NLGN1: variants seen among roughly 807,000 people sequenced by gnomAD.
NLGN1 encodes the protein neuroligin-1.
In NLGN1, 12 loss-of-function variants were observed where a neutral mutation model predicts 65.5. The observed-to-expected ratio is 0.18, with a 90% CI of 0.12 to 0.30. NLGN1 has a LOEUF of 0.30. NLGN1 is among the 10% of genes least tolerant of loss of function. NLGN1 has a pLI of 1.00. For synonymous variants in NLGN1, 350 were observed against 359.5 expected (o/e 0.97, Z 0.30); for missense variants, 750 against 1,007.1 (o/e 0.74, Z 3.46).
intron 3 of NLGN1, among the ~76,000 whole-genome samples, chr3:173,651,120 T>C (rs2149641579): frequency 6.6e-6 from 1 of 152,086 alleles, no homozygotes; most frequent in South Asian, 2.1e-4. Context: ...GTATCCATTA[T>C]TCCACTCTGT....
At chr3:173,644,887 G>A (rs1258971639) in intron 3 of NLGN1, among the ~76,000 whole-genome samples, 1 of 152,274 alleles carries the variant, frequency 6.6e-6, no homozygotes, top group African/African-American at 2.4e-5. Flanking sequence ...GGTGTTGAGG[G>A]GGCATGGTCA....
chr3:174,254,461 T>G (rs1745320090), intron 4 of NLGN1, among the ~76,000 whole-genome samples: 1 of 152,088 alleles, frequency 6.6e-6, no homozygotes, highest in Non-Finnish European at 1.5e-5. Flanking sequence ...ACTTGAGACT[T>G]TTCTCTCTAC....
chr3:173,605,313 G>A (rs950556529), intron 3 of NLGN1, among the ~76,000 whole-genome samples: 6 of 151,910 alleles, frequency 3.9e-5, no homozygotes, highest in Non-Finnish European at 7.4e-5. Flanking sequence ...TCCACAGCAC[G>A]TATATTTAGG....
intron 4 of NLGN1, among the ~76,000 whole-genome samples, chr3:173,996,055 A>C (rs909299394): frequency 6.6e-6 from 1 of 152,162 alleles, no homozygotes; most frequent in Non-Finnish European, 1.5e-5. Flanking sequence ...ATTTATTGAA[A>C]GCTCAAAAAC....
At chr3:173,968,504 G>A (rs1468466685) in intron 4 of NLGN1, among the ~76,000 whole-genome samples, 1 of 151,442 alleles carries the variant, frequency 6.6e-6, no homozygotes, top group Non-Finnish European at 1.5e-5. Flanking sequence ...GACCATTTTT[G>A]CTTTTTTGAC....
rs574838782 is a variant in NLGN1, at chr3:174,212,369, G to T, written c.647-62946G>T. Among the ~76,000 whole-genome samples, 22 of 152,316 alleles carry T rather than the reference G, an allele frequency of 1.4e-4. No homozygotes were observed. In the South Asian group the frequency reaches 4.6e-3, roughly 32 times the overall value. The stretch of plus-strand genomic sequence containing the variant: ...CGCGCCTCTCCCTCCACACCTCCCC[G>T]CAAGCTGAGGGAGTGGGCTCCAGCC... On this transcript the variant is annotated intron_variant, in intron 4 of 6. Transcript: ENST00000457714.
At chr3:173,440,552 G>A (rs555688845) in intron 2 of NLGN1, among the ~76,000 whole-genome samples, 3 of 152,182 alleles carry the variant, frequency 2.0e-5, no homozygotes, top group African/African-American at 4.8e-5. Context: ...GTGTGAGCAG[G>A]CATGAAAACG....
chr3:173,784,817 A>C (rs796449843), intron 3 of NLGN1, among the ~76,000 whole-genome samples: 1 of 152,200 alleles, frequency 6.6e-6, no homozygotes, highest in Non-Finnish European at 1.5e-5. Context: ...AGAAGCACAC[A>C]TCTGGCCAGA....
chr3:174,278,080 G>T (rs1274579562), intron 5 of NLGN1, among the ~76,000 whole-genome samples: 2 of 151,926 alleles, frequency 1.3e-5, no homozygotes, highest in African/African-American at 2.4e-5. Context: ...CAATTAAAAA[G>T]CAGTGGACCA....
At chr3:173,525,230 TTTGTTGTTGTTGTTG>T (rs34726754) in intron 2 of NLGN1, among the ~76,000 whole-genome samples, 16 of 150,236 alleles carry the variant, frequency 1.1e-4, no homozygotes, top group East Asian at 2.0e-4. Flanking sequence ...GGGTGGGTTT[TTTGTTGTTGTTGTTG>T]TTGTTGTTGT....
chr3:174,043,937 TCCAA>T (rs1732938967), intron 4 of NLGN1, among the ~76,000 whole-genome samples: 3 of 152,164 alleles, frequency 2.0e-5, no homozygotes, highest in Admixed American at 2.0e-4. Context: ...TACCTAGACA[TCCAA>T]GTATTTTCAT....
intron 3 of NLGN1, among the ~76,000 whole-genome samples, chr3:173,694,997 T>G (rs1048962597): frequency 6.6e-6 from 1 of 152,156 alleles, no homozygotes; most frequent in Non-Finnish European, 1.5e-5. Context: ...CTTTGACTTT[T>G]CCAGTAATTG....
chr3:174,280,356 T>G lies in NLGN1; in HGVS notation c.1650-125T>G, dbSNP rs1751331208. 1 of 690,820 alleles carries G rather than the reference T, an allele frequency of 1.4e-6. No homozygotes were observed. The highest frequency in any genetic ancestry group is 2.4e-6 in the Non-Finnish European group (1 of 422,936). 42.8% of individuals were successfully genotyped at this position (690,820 alleles called of 1,614,324 possible). A position where few individuals can be genotyped will look rare whatever the true frequency, so the allele number is the denominator to read the frequency against. ...ATTTATATTTCTAAATTGACCCAAA[T>G]TAATGTTAAAACACAATCTAAAGCA... On this transcript the variant is annotated intron_variant, in intron 6 of 6. Coordinates refer to ENST00000457714, the Ensembl canonical transcript of NLGN1. This position sits in a 1 kb window ranked among gnomAD's most constrained non-coding sequence, Gnocchi z 4.9.
chr3:174,038,594 G>T (rs938425840), intron 4 of NLGN1, among the ~76,000 whole-genome samples: 2 of 152,134 alleles, frequency 1.3e-5, no homozygotes, highest in Non-Finnish European at 2.9e-5. Context: ...GGATTGTTCA[G>T]AATGTTCCTC....
At chr3:173,651,779 A>T (rs1474434507) in intron 3 of NLGN1, among the ~76,000 whole-genome samples, 1 of 151,616 alleles carries the variant, frequency 6.6e-6, no homozygotes, top group Non-Finnish European at 1.5e-5. Flanking sequence ...ATGTCTACTC[A>T]TGTTCTTTGC....
At chr3:173,883,119 A>G (rs929669160) in intron 4 of NLGN1, among the ~76,000 whole-genome samples, 1 of 148,738 alleles carries the variant, frequency 6.7e-6, no homozygotes, top group African/African-American at 2.5e-5. Context: ...CCCTATCTTG[A>G]CTTTTAACAT....
chr3:174,130,338 C>T (rs1466887905), intron 4 of NLGN1, among the ~76,000 whole-genome samples: 1 of 152,164 alleles, frequency 6.6e-6, no homozygotes, highest in African/African-American at 2.4e-5. Context: ...CGCGCCGTTG[C>T]ACTCCAGCCT....
chr3:173,514,598 C>T (rs970165228), intron 2 of NLGN1, among the ~76,000 whole-genome samples: 9 of 152,136 alleles, frequency 5.9e-5, no homozygotes, highest in African/African-American at 9.7e-5. Flanking sequence ...TCACACAGCA[C>T]GTATCAAGAA....
chr3:174,171,881 A>G (rs935073439), intron 4 of NLGN1, among the ~76,000 whole-genome samples: 4 of 152,072 alleles, frequency 2.6e-5, no homozygotes, highest in Non-Finnish European at 5.9e-5. Flanking sequence ...GACAATAACT[A>G]TCCTCTTAGT....
Sources: gnomAD v4.1 joint callset for allele counts (sites outside exome capture counted in the v4.1 genomes callset) on GRCh38, gnomAD v4.1.1 for gene constraint, Gnocchi (gnomAD v3.1) non-coding constraint, MANE v1.5 for transcripts, NCBI Gene and HGNC (gene_info 2026-07-23, HGNC 2026-07-21) for gene names.